SYTL5: variants seen among roughly 807,000 people sequenced by gnomAD.
SYTL5 encodes synaptotagmin like 5.
A neutral mutation model predicts 55.9 loss-of-function variants in SYTL5; 34 were observed. That is an observed-to-expected ratio of 0.61 (90% confidence interval 0.46 to 0.81). The LOEUF is 0.81. Ranked by LOEUF, SYTL5 falls within the 30% of genes least tolerant of loss-of-function variation. SYTL5 has a pLI of 0.00. For synonymous variants in SYTL5, 221 were observed against 188.7 expected, an observed-to-expected ratio of 1.17 and a Z score of -1.40; for missense variants, 637 against 546.7, an observed-to-expected ratio of 1.17 and a Z score of -1.65.
chrX:38,094,528 A>T (rs865909718), intron 8 of SYTL5, 104 bp downstream of exon 8: 140 of 914,087 alleles, frequency 1.5e-4, no homozygotes, highest in Middle Eastern at 6.4e-4. Flanking sequence ...TTTAAAAAAT[A>T]AGCATTCCCT....
At chrX:38,110,841 A>G (rs149105721) in intron 13 of SYTL5, among the ~76,000 whole-genome samples, 8 of 111,799 alleles carry the variant, frequency 7.2e-5, no homozygotes, top group Non-Finnish European at 1.3e-4. Context: ...ATCCCCAAAC[A>G]TTACCTTTAT....
At chrX:38,051,534 A>G (rs182872553) in intron 2 of SYTL5, among the ~76,000 whole-genome samples, 1 of 111,481 alleles carries the variant, frequency 9.0e-6, no homozygotes, top group African/African-American at 3.3e-5. Flanking sequence ...ATCCATTTCA[A>G]TCTCCTTCCC....
At chrX:38,036,179 G>A (rs894357129) in intron 2 of SYTL5, among the ~76,000 whole-genome samples, 1 of 109,724 alleles carries the variant, frequency 9.1e-6, no homozygotes, top group African/African-American at 3.3e-5. Context: ...AGTGGTGTGC[G>A]CCTGTAATCC....
In SYTL5 at chrX:38,080,992, A is replaced by C. The variant is rs148137033; in HGVS notation, c.689+4291A>C. On this transcript the variant is annotated intron_variant, in intron 6 of 16. Transcript: ENST00000297875. ...ATGCTATTAGCAAACTCCATTCCTT[A>C]CCAGGCTTAAAAAAATGTTCAAATG... Among the ~76,000 whole-genome samples, 990 of 111,927 alleles carry C rather than the reference A, an allele frequency of 8.8e-3. 11 individuals carry two copies. Among genetic ancestry groups the C allele is most frequent in the African/African-American group, 0.03 (911 of 30,771 alleles).
At chrX:38,026,679 G>A (rs753681450) in intron 1 of SYTL5, among the ~76,000 whole-genome samples, 1 of 111,790 alleles carries the variant, frequency 8.9e-6, no homozygotes, top group Non-Finnish European at 1.9e-5. Flanking sequence ...TGTTGCCATG[G>A]CATCTGTAAA....
intron 3 of SYTL5, among the ~76,000 whole-genome samples, chrX:38,060,518 C>T (rs939958500): frequency 3.6e-5 from 4 of 111,719 alleles, no homozygotes; most frequent in Non-Finnish European, 7.6e-5. Flanking sequence ...ATAGTAGGTA[C>T]TCAATGAATA....
intron 13 of SYTL5, among the ~76,000 whole-genome samples, 194 bp downstream of exon 13, chrX:38,110,676 A>G (rs1937337846): frequency 8.9e-6 from 1 of 112,311 alleles, no homozygotes; most frequent in Non-Finnish European, 1.9e-5. Context: ...GTCAATATAG[A>G]TCATCTGTAT....
chrX:37,985,591 G>A, the SYTL5 span, among the ~76,000 whole-genome samples: 1 of 109,416 alleles, frequency 9.1e-6, no homozygotes, highest in Non-Finnish European at 1.9e-5. Context: ...TGTCAGATTG[G>A]CAATATTCCC....
At chrX:38,060,243 G>A (rs368259882) in intron 3 of SYTL5, among the ~76,000 whole-genome samples, 9 of 111,486 alleles carry the variant, frequency 8.1e-5, no homozygotes, top group Admixed American at 3.8e-4. Flanking sequence ...CACTCATACC[G>A]CTCTCCTACA....
the SYTL5 span, among the ~76,000 whole-genome samples, chrX:37,924,509 C>A: frequency 9.0e-6 from 1 of 111,402 alleles, no homozygotes; most frequent in Admixed American, 9.6e-5. Flanking sequence ...TGCGTGAATA[C>A]TTATTGTATA....
intron 2 of SYTL5, among the ~76,000 whole-genome samples, chrX:38,037,763 C>A (rs1161404479): frequency 9.3e-6 from 1 of 108,028 alleles, no homozygotes; most frequent in Non-Finnish European, 1.9e-5. Flanking sequence ...GTCTGCATGG[C>A]AATTAAATTC....
intron 9 of SYTL5, among the ~76,000 whole-genome samples, chrX:38,100,621 A>G (rs1022234139): frequency 1.8e-5 from 2 of 111,629 alleles, no homozygotes; most frequent in Non-Finnish European, 3.8e-5. Context: ...GGCAAAAATG[A>G]AAAAAATATC....
intron 1 of SYTL5, among the ~76,000 whole-genome samples, chrX:38,019,672 C>T: frequency 9.0e-6 from 1 of 111,316 alleles, no homozygotes; most frequent in Non-Finnish European, 1.9e-5. Context: ...CTCTGTCGCC[C>T]AGGCTGGAGT....
chrX:37,965,914 C>T, the SYTL5 span, among the ~76,000 whole-genome samples: 1 of 112,266 alleles, frequency 8.9e-6, no homozygotes, highest in Non-Finnish European at 1.9e-5. Flanking sequence ...ATAAGTATAG[C>T]TACTGTTCCT....
intron 3 of SYTL5, among the ~76,000 whole-genome samples, chrX:38,070,054 ACTATGG>A (rs1936214504): frequency 9.0e-6 from 1 of 111,721 alleles, no homozygotes; most frequent in African/African-American, 3.3e-5. Context: ...TGGTAGACAA[ACTATGG>A]TCTTACCTTT....
intron 1 of SYTL5, among the ~76,000 whole-genome samples, chrX:38,016,061 A>G (rs1934345126): frequency 8.9e-6 from 1 of 111,772 alleles, no homozygotes; most frequent in African/African-American, 3.3e-5. Context: ...AATTTTAATG[A>G]TAGGAATGCT....
chrX:38,059,839 G>T (rs1935895977), intron 3 of SYTL5, among the ~76,000 whole-genome samples: 1 of 111,374 alleles, frequency 9.0e-6, no homozygotes, highest in Non-Finnish European at 1.9e-5. Flanking sequence ...CAACTATGGA[G>T]TCTGAGGATT....
chrX:37,948,469 A>C, the SYTL5 span, among the ~76,000 whole-genome samples: 1 of 110,257 alleles, frequency 9.1e-6, no homozygotes, highest in African/African-American at 3.3e-5. Flanking sequence ...TTTTGCTTAA[A>C]TTATTTTTTG....
chrX:38,088,599 T>TATTGG (rs1337293915), intron 6 of SYTL5, among the ~76,000 whole-genome samples: 1 of 112,548 alleles, frequency 8.9e-6, no homozygotes, highest in African/African-American at 3.2e-5. Context: ...CATTTATTGT[T>TATTGG]ATTGGATTGA....
Sources: gnomAD v4.1 joint callset for allele counts (sites outside exome capture counted in the v4.1 genomes callset) on GRCh38, gnomAD v4.1.1 for gene constraint, MANE v1.5 for transcripts, NCBI Gene and HGNC (gene_info 2026-07-23, HGNC 2026-07-21) for gene names.